Variants in WDR64 observed in about 807,000 individuals in gnomAD.
The protein encoded by WDR64 is WD repeat-containing protein 64.
In WDR64, 112 loss-of-function variants were observed where a neutral mutation model predicts 139.3. The ratio of observed to expected loss-of-function variants is 0.80; its 90% CI spans 0.69 to 0.94. WDR64 has a LOEUF of 0.94. Ranked by LOEUF, WDR64 falls within the 40% of genes least tolerant of loss-of-function variation. WDR64 has a pLI of 0.00. For missense variants in WDR64, 1,206 were observed against 1,293.1 expected, an observed-to-expected ratio of 0.93 and a Z score of 1.03; for synonymous variants, 444 against 437.7, an observed-to-expected ratio of 1.01 and a Z score of -0.18.
intron 6 of WDR64, among the ~76,000 whole-genome samples, chr1:241,683,049 A>T (rs1666870781): frequency 6.6e-6 from 1 of 152,200 alleles, no homozygotes; most frequent in African/African-American, 2.4e-5. Flanking sequence ...AATATTTCTG[A>T]ATAAACTTGG....
chr1:241,709,291 C>A (rs1668076138), intron 8 of WDR64, among the ~76,000 whole-genome samples: 1 of 152,152 alleles, frequency 6.6e-6, no homozygotes, highest in African/African-American at 2.4e-5. Context: ...AATTTGCATC[C>A]ATTTCCTTCA....
chr1:241,661,207 T>C (rs952284624), intron 2 of WDR64, among the ~76,000 whole-genome samples: 2 of 151,896 alleles, frequency 1.3e-5, no homozygotes, highest in African/African-American at 4.8e-5. Flanking sequence ...AGTAAGAATC[T>C]AAGGGATTTG....
intron 14 of WDR64, 56 bp from the exon 15 acceptor site, chr1:241,757,227 A>C: frequency 6.6e-7 from 1 of 1,510,238 alleles, no homozygotes; most frequent in Middle Eastern, 1.8e-4. Context: ...TCTCTTTAAA[A>C]CAGTTCAAAA....
At chr1:241,653,547 T>C (rs1338660158) in intron 1 of WDR64, among the ~76,000 whole-genome samples, 1 of 150,498 alleles carries the variant, frequency 6.6e-6, no homozygotes, top group Non-Finnish European at 1.5e-5. Flanking sequence ...TCTTTTCTTT[T>C]TTTTTTTTTT....
At chr1:241,753,071 G>A (rs746864162) in intron 14 of WDR64, among the ~76,000 whole-genome samples, 9 of 152,262 alleles carry the variant, frequency 5.9e-5, no homozygotes, top group Non-Finnish European at 8.8e-5. Context: ...ACATGGATAT[G>A]AAGTAACAGA....
chr1:241,709,316 A>G (rs1324962389), intron 8 of WDR64, among the ~76,000 whole-genome samples: 1 of 152,198 alleles, frequency 6.6e-6, no homozygotes, highest in Admixed American at 6.5e-5. Context: ...GAGAAATATG[A>G]AAGTTCAATA....
intron 12 of WDR64, among the ~76,000 whole-genome samples, chr1:241,744,133 T>C (rs925094494): frequency 5.9e-5 from 9 of 152,186 alleles, no homozygotes; most frequent in Non-Finnish European, 7.4e-5. Context: ...ACTGACCACT[T>C]CTTCCATGGC....
intron 10 of WDR64, among the ~76,000 whole-genome samples, chr1:241,728,562 C>G (rs1349204916): frequency 6.6e-6 from 1 of 152,150 alleles, no homozygotes; most frequent in Admixed American, 6.5e-5. Context: ...GATTTTTATT[C>G]TTTCTCCTAA....
At chr1:241,711,689 A>G in intron 8 of WDR64, 113 bp from the exon 9 acceptor site, 2 of 1,056,004 alleles carry the variant, frequency 1.9e-6, no homozygotes, top group Non-Finnish European at 2.8e-6. Context: ...CTGGGGGCAA[A>G]TGGATTTACA....
chr1:241,766,988 G>C (rs1326422475), intron 16 of WDR64, among the ~76,000 whole-genome samples: 1 of 152,110 alleles, frequency 6.6e-6, no homozygotes. Flanking sequence ...TCTCTCTAGA[G>C]CTTCAAACAC....
chr1:241,702,977 A>G (rs917460343), intron 8 of WDR64, among the ~76,000 whole-genome samples: 2 of 152,008 alleles, frequency 1.3e-5, no homozygotes, highest in African/African-American at 4.8e-5. Context: ...TTTCTATTGC[A>G]CCCTCCCTTG....
In WDR64 at chr1:241,770,623, G is replaced by A. The variant is rs1658392645; in HGVS notation, c.2186G>A (p.Arg729Lys). 6.4e-7 allele frequency: 1 copy of A among 1,551,106 alleles called. No homozygotes were observed. Among genetic ancestry groups the A allele is most frequent in the Non-Finnish European group, 8.7e-7 (1 of 1,146,760 alleles). ...FLFRTPECARRSSQDSICSSS... is the reference protein window; with the variant it reads ...FLFRTPECARKSSQDSICSSS... ...GGGCTTCCCCACTCCCCTTATAGGAGATCAAGTCAGGATTCCATATGTTCT... is the reference window on the plus strand; with the variant it reads ...GGGCTTCCCCACTCCCCTTATAGGAAATCAAGTCAGGATTCCATATGTTCT... The change falls in exon 18 of 28, where the codon AGA (arginine) becomes AAA (lysine). Residue 729 changes from arginine (R) to lysine (K), a missense_variant and splice_region_variant. Transcript: ENST00000437684.
intron 11 of WDR64, 74 bp downstream of exon 11, chr1:241,738,563 C>A: frequency 1.4e-6 from 2 of 1,470,306 alleles, no homozygotes; most frequent in South Asian, 2.8e-5. Context: ...AGCACTTGAG[C>A]ACTAACTACA....
chr1:241,655,314 G>A (rs1168372742), intron 1 of WDR64, among the ~76,000 whole-genome samples: 2 of 152,046 alleles, frequency 1.3e-5, no homozygotes, highest in South Asian at 2.1e-4. Flanking sequence ...ACCAGGACCC[G>A]GGAGGCAGAG....
intron 10 of WDR64, among the ~76,000 whole-genome samples, chr1:241,736,012 T>C (rs1367048171): frequency 2.0e-5 from 3 of 152,092 alleles, no homozygotes; most frequent in Non-Finnish European, 4.4e-5. Flanking sequence ...CAAAAAGTGA[T>C]GTGCCCTACC....
At position 241,757,348 on chromosome 1, in the gene WDR64, A is replaced by G; in HGVS notation, c.1836A>G (p.Gln612=). The G allele has an allele frequency of 6.2e-7, 1 of 1,614,106 alleles. No homozygotes were observed. The highest frequency in any genetic ancestry group is 1.1e-5 in the South Asian group (1 of 91,070). ...WELPDVVPFL[Q]DGKHAVHLRM... ...TGCCTGATGTTGTGCCTTTCCTACAAGATGGGAAACATGCTGTGCATCTGA... is the reference window on the plus strand; with the variant it reads ...TGCCTGATGTTGTGCCTTTCCTACAGGATGGGAAACATGCTGTGCATCTGA... Residue 612 remains glutamine, a synonymous_variant, in exon 15 of 28, where the codon CAA becomes CAG. Transcript: ENST00000437684.
intron 12 of WDR64, among the ~76,000 whole-genome samples, chr1:241,743,878 C>T (rs1669648039): frequency 6.6e-6 from 1 of 152,106 alleles, no homozygotes; most frequent in Non-Finnish European, 1.5e-5. Context: ...GTGTATGTGT[C>T]TCTCCCTCCC....
At chr1:241,735,533 C>CTTTTTTTTTT (rs58339742) in intron 10 of WDR64, among the ~76,000 whole-genome samples, 4 of 103,490 alleles carry the variant, frequency 3.9e-5, no homozygotes, top group Admixed American at 1.1e-4. Flanking sequence ...CTCTCTCTCT[C>CTTTTTTTTTT]TTTTTTTTTT....
At position 241,703,650 on chromosome 1, in the gene WDR64, T is replaced by C. The variant is rs1349499569; in HGVS notation, c.975-8152T>C. ...TCCCTTAAGGATATTCAAACAATTATTTATTGGGAGCCTTCTATATTCAAA... is the reference window on the plus strand; with the variant it reads ...TCCCTTAAGGATATTCAAACAATTACTTATTGGGAGCCTTCTATATTCAAA... On this transcript the variant is annotated intron_variant, in intron 8 of 27. Transcript: ENST00000437684. The surrounding 1 kb of genome is among the most constrained non-coding windows in gnomAD (Gnocchi z 5.9). Among the ~76,000 whole-genome samples the C allele has an allele frequency of 6.6e-6, 1 of 152,168 alleles. No homozygotes were observed. Among genetic ancestry groups the C allele is most frequent in the African/African-American group, 2.4e-5 (1 of 41,434 alleles).
Sources: allele counts gnomAD v4.1 joint callset (sites outside exome capture counted in the v4.1 genomes callset), GRCh38; gene constraint gnomAD v4.1.1; non-coding constraint Gnocchi (gnomAD v3.1); transcripts MANE v1.5; gene names NCBI Gene and HGNC (gene_info 2026-07-23, HGNC 2026-07-21).